MBD5: variants seen among roughly 807,000 people sequenced by gnomAD.
MBD5 encodes methyl-CpG binding domain protein 5.
A neutral mutation model predicts 117.3 loss-of-function variants in MBD5; 13 were observed. That is an observed-to-expected ratio of 0.11 (90% CI 0.07 to 0.18). The LOEUF is 0.18. MBD5 is among the 10% of genes least tolerant of loss of function. MBD5 has a pLI of 1.00. For missense variants in MBD5, 1,879 were observed against 2,093.8 expected, an observed-to-expected ratio of 0.90 and a Z score of 2.00; for synonymous variants, 727 against 766.4, an observed-to-expected ratio of 0.95 and a Z score of 0.85.
chr2:148,499,047 C>G (rs1008874130), intron 11 of MBD5, among the ~76,000 whole-genome samples: 7 of 152,084 alleles, frequency 4.6e-5, no homozygotes, highest in Non-Finnish European at 8.8e-5. Context: ...AATCCTAGCA[C>G]TTTTGGAGGC....
intron 12 of MBD5, among the ~76,000 whole-genome samples, chr2:148,503,248 G>C (rs1681925198): frequency 6.6e-6 from 1 of 152,012 alleles, no homozygotes; most frequent in South Asian, 2.1e-4. Context: ...ACTAATTTCT[G>C]CATTATCAAG....
chr2:148,499,188 GCTA>G (rs1681797348), intron 11 of MBD5, among the ~76,000 whole-genome samples: 1 of 152,158 alleles, frequency 6.6e-6, no homozygotes. Flanking sequence ...TGTGGTCCCA[GCTA>G]CTAAGGAGAC....
At chr2:148,344,762 A>C (rs879600504) in intron 4 of MBD5, among the ~76,000 whole-genome samples, 33 of 152,034 alleles carry the variant, frequency 2.2e-4, no homozygotes, top group South Asian at 1.7e-3. Context: ...AGCAATTTTT[A>C]TGCCAGTAAA....
chr2:148,329,756 T>C (rs1322225914), intron 3 of MBD5, among the ~76,000 whole-genome samples: 1 of 152,190 alleles, frequency 6.6e-6, no homozygotes, highest in African/African-American at 2.4e-5. Context: ...TTATACAAAA[T>C]ATGTATTCAC....
rs1027368508 is a variant in MBD5 at position 148,514,253 on chromosome 2, A to G, written c.*1312A>G. On this transcript the variant is annotated 3_prime_UTR_variant, in exon 14 of 14. Coordinates refer to ENST00000642680, the MANE Select transcript of MBD5 (RefSeq NM_001378120.1). ...ATTAAGTAAGAAAAAATGTGAAACAAATGTAGAGAGAAAATACTACATTAC... is the reference window on the plus strand; with the variant it reads ...ATTAAGTAAGAAAAAATGTGAAACAGATGTAGAGAGAAAATACTACATTAC... 24 of 152,238 alleles carry G rather than the reference A, an allele frequency of 1.6e-4. No individual in the cohort carries two copies. Among genetic ancestry groups the G allele is most frequent in the African/African-American group, 5.8e-4 (24 of 41,464 alleles). The allele number at this position is 152,238 out of a possible 1,614,324, so 9.4% of individuals were successfully genotyped here.
At chr2:148,458,072 A>T in intron 4 of MBD5, 131 bp from the exon 5 acceptor site, 1 of 390,282 alleles carries the variant, frequency 2.6e-6, no homozygotes, top group Middle Eastern at 6.5e-4. Context: ...CTTGAATTTG[A>T]CGTATGATTT....
At chr2:148,025,984 G>A (rs897915398) in intron 1 of MBD5, 2 of 152,134 alleles carry the variant, frequency 1.3e-5, no homozygotes, top group African/African-American at 4.8e-5. Context: ...TAATCGAAAA[G>A]TATATTAGAA....
chr2:148,195,802 G>GA (rs1217151924), intron 2 of MBD5, among the ~76,000 whole-genome samples: 1 of 152,052 alleles, frequency 6.6e-6, no homozygotes, highest in Non-Finnish European at 1.5e-5. Context: ...TATGCGTCAA[G>GA]AAAAAATTCA....
chr2:148,072,889 A>G (rs530289018), intron 1 of MBD5, among the ~76,000 whole-genome samples: 73 of 152,258 alleles, frequency 4.8e-4, no homozygotes, highest in African/African-American at 1.7e-3. Context: ...TTTGGTTGAG[A>G]AATACAGATT....
rs531899089 is a variant in MBD5 at position 148,307,425 on chromosome 2, A to T, written c.-679-34789A>T. Among the ~76,000 whole-genome samples the T allele has an allele frequency of 3.9e-5, 6 of 152,166 alleles. No homozygotes were observed. The East Asian group carries it at 7.7e-4, about 20-fold the overall frequency. On this transcript the variant is annotated intron_variant, in intron 3 of 13. Transcript: ENST00000642680. Reference sequence around the variant, plus strand: ...AAACTTTTACAACCATTTTACATCCATTCAGTTTTTATCATACTCTTTTCC... The same window carrying T: ...AAACTTTTACAACCATTTTACATCCTTTCAGTTTTTATCATACTCTTTTCC...
At chr2:148,412,579 C>G (rs1705295177) in intron 4 of MBD5, among the ~76,000 whole-genome samples, 1 of 152,054 alleles carries the variant, frequency 6.6e-6, no homozygotes, top group South Asian at 2.1e-4. Context: ...ATTGATTCTT[C>G]CTCTCCATGG....
chr2:148,088,951 T>G (rs1326540796), intron 1 of MBD5, among the ~76,000 whole-genome samples: 1 of 152,086 alleles, frequency 6.6e-6, no homozygotes, highest in Non-Finnish European at 1.5e-5. Context: ...TCTGTTGTCT[T>G]CAAGAGACTC....
At chr2:148,244,152 C>T (rs1331576158) in intron 3 of MBD5, 2 of 151,656 alleles carry the variant, frequency 1.3e-5, no homozygotes, top group African/African-American at 4.8e-5. Context: ...CTGGCTTTCA[C>T]CATTTTATAG....
At chr2:148,282,478 C>T (rs1010771170) in intron 3 of MBD5, among the ~76,000 whole-genome samples, 2 of 151,848 alleles carry the variant, frequency 1.3e-5, no homozygotes, top group African/African-American at 4.8e-5. Context: ...GACATGTCTG[C>T]TTCATAGACA....
intron 3 of MBD5, among the ~76,000 whole-genome samples, chr2:148,269,153 A>T (rs1700923787): frequency 6.6e-6 from 1 of 152,022 alleles, no homozygotes; most frequent in East Asian, 1.9e-4. Flanking sequence ...AAAAGGGAGC[A>T]GCTTTTGTTG....
intron 11 of MBD5, among the ~76,000 whole-genome samples, chr2:148,495,770 C>T (rs6751753): frequency 6.6e-6 from 1 of 152,156 alleles, no homozygotes; most frequent in South Asian, 2.1e-4. Flanking sequence ...AAACAGCTCT[C>T]TGAATAGTCG....
chr2:148,511,954 T>C (rs1206774955), intron 13 of MBD5, among the ~76,000 whole-genome samples: 1 of 152,204 alleles, frequency 6.6e-6, no homozygotes, highest in Non-Finnish European at 1.5e-5. Context: ...ATTGTACTCA[T>C]CTCTTCCTAA....
intron 4 of MBD5, among the ~76,000 whole-genome samples, chr2:148,406,365 T>C (rs1705077101): frequency 6.6e-6 from 1 of 152,220 alleles, no homozygotes; most frequent in Admixed American, 6.6e-5. Context: ...ATTCCTGTTA[T>C]TATTGGTCAG....
chr2:148,086,665 G>A (rs187244307), intron 1 of MBD5, among the ~76,000 whole-genome samples: 61 of 152,242 alleles, frequency 4.0e-4, no homozygotes, highest in African/African-American at 1.4e-3. Flanking sequence ...TACTGCTAGA[G>A]TTACATTTAC....
Sources: gnomAD v4.1 joint callset for allele counts (sites outside exome capture counted in the v4.1 genomes callset) on GRCh38, gnomAD v4.1.1 for gene constraint, MANE v1.5 for transcripts, NCBI Gene and HGNC (gene_info 2026-07-23, HGNC 2026-07-21) for gene names.